GTF2A1L: variants seen among roughly 807,000 people sequenced by gnomAD.
The protein encoded by GTF2A1L is TFIIA-alpha and beta-like factor.
GTF2A1L carries 48 observed loss-of-function variants against 49.7 expected under a neutral mutation model. That is an observed-to-expected ratio of 0.97 (90% CI 0.77 to 1.23). The LOEUF (loss-of-function observed/expected upper bound fraction) is 1.23, where lower values mean the gene tolerates loss of function less well. Among genes scored for constraint, GTF2A1L ranks in the 50% most tolerant of loss-of-function variants. The probability of loss-of-function intolerance (pLI) is 0.00; values close to 1 mark genes in which losing one functional copy is unlikely to be tolerated. For synonymous variants in GTF2A1L, 246 were observed against 193.5 expected (o/e 1.27, Z -2.25); for missense variants, 736 against 564.8 (o/e 1.30, Z -3.07).
chr2:48,623,001 G>T (rs1360034996), intron 3 of GTF2A1L, among the ~76,000 whole-genome samples: 1 of 151,812 alleles, frequency 6.6e-6, no homozygotes, highest in Non-Finnish European at 1.5e-5. Context: ...CTGTATCTTA[G>T]CAGTTAGAAT....
chr2:48,626,692 A>G (rs1380299491), intron 3 of GTF2A1L, among the ~76,000 whole-genome samples: 1 of 142,794 alleles, frequency 7.0e-6, no homozygotes, highest in African/African-American at 2.5e-5. Context: ...CCCACCTCGG[A>G]CTCCCAAAGT....
At chr2:48,646,359 C>A in intron 5 of GTF2A1L, 94 bp from the exon 6 acceptor site, 3 of 1,202,224 alleles carry the variant, frequency 2.5e-6, no homozygotes, top group South Asian at 1.9e-5. Flanking sequence ...TTTTTTCCAG[C>A]CTTTGTGGAT....
intron 6 of GTF2A1L, among the ~76,000 whole-genome samples, chr2:48,652,672 A>G (rs1370219988): frequency 2.0e-5 from 3 of 151,388 alleles, no homozygotes; most frequent in African/African-American, 4.8e-5. Flanking sequence ...GACAAATCTT[A>G]TACTAATTGA....
intron 3 of GTF2A1L, 143 bp from the exon 4 acceptor site, chr2:48,642,259 G>A (rs74375858): frequency 7.1e-4 from 511 of 717,614 alleles, no homozygotes; most frequent in Non-Finnish European, 9.4e-4. Flanking sequence ...ACTTTTTACC[G>A]CACTTGGAAT....
At chr2:48,622,638 T>C (rs1250437760) in intron 3 of GTF2A1L, among the ~76,000 whole-genome samples, 1 of 152,076 alleles carries the variant, frequency 6.6e-6, no homozygotes, top group African/African-American at 2.4e-5. Context: ...CTGGCCAACA[T>C]GGCGAAACCC....
rs755487383 is a variant in GTF2A1L, at chr2:48,646,470, A to G, written c.406A>G (p.Asn136Asp). ...QTVSGHLYKV[N>D]VPIMVTETSG... is the part of the protein sequence containing the mutation. The stretch of plus-strand genomic sequence containing the variant: ...TTTTTAAGGTCACCTTTATAAAGTC[A>G]ATGTACCAATTATGGTGACAGAGAC... Residue 136 changes from asparagine to aspartate, a missense_variant, in exon 6 of 9, where the codon AAT becomes GAT. Transcript: ENST00000403751. The G allele has an allele frequency of 1.2e-6, 2 of 1,608,620 alleles. No individual in the cohort carries two copies. Among genetic ancestry groups the G allele is most frequent in the South Asian group, 1.1e-5 (1 of 90,026 alleles).
chr2:48,623,097 G>A (rs1425234747), intron 3 of GTF2A1L, among the ~76,000 whole-genome samples: 2 of 152,094 alleles, frequency 1.3e-5, no homozygotes, highest in Non-Finnish European at 2.9e-5. Context: ...GGAATTACAT[G>A]TATCCCTTAA....
At chr2:48,652,733 C>T (rs533494578) in intron 6 of GTF2A1L, among the ~76,000 whole-genome samples, 22 of 150,970 alleles carry the variant, frequency 1.5e-4, no homozygotes, top group Admixed American at 1.1e-3. Context: ...CTCGCTCTGT[C>T]GCCCAGACTG....
intron 3 of GTF2A1L, among the ~76,000 whole-genome samples, chr2:48,625,821 A>G (rs1676260583): frequency 7.0e-6 from 1 of 143,320 alleles, no homozygotes; most frequent in African/African-American, 2.5e-5. Flanking sequence ...GGAATGAAGC[A>G]ATCCTCCTGC....
intron 6 of GTF2A1L, among the ~76,000 whole-genome samples, chr2:48,657,991 A>C (rs1393330408): frequency 6.6e-6 from 1 of 151,994 alleles, no homozygotes; most frequent in Non-Finnish European, 1.5e-5. Flanking sequence ...GTTTCTTATA[A>C]ATTCTGGATA....
chr2:48,668,568 A>C (rs1678980474), intron 6 of GTF2A1L: 1 of 152,308 alleles, frequency 6.6e-6, no homozygotes, highest in Non-Finnish European at 1.5e-5. Flanking sequence ...GCAGTGACTT[A>C]CGCCTGTAAT....
In GTF2A1L at chr2:48,663,181, C is replaced by T. The variant is rs575865812; in HGVS notation, c.979-6541C>T. Among the ~76,000 whole-genome samples the T allele has an allele frequency of 7.2e-5, 11 of 152,250 alleles. No individual in the cohort carries two copies. In the South Asian group the frequency reaches 2.3e-3, roughly 32 times the overall value. On this transcript the variant is annotated intron_variant, in intron 6 of 8. Coordinates refer to ENST00000403751, the MANE Select transcript of GTF2A1L (RefSeq NM_006872.5). ...GGAAACAGTGGCTCATACCTGTAAT[C>T]CCAGTACTTTGGGAGGCTGAGGAAG...
chr2:48,650,548 A>AAATGTCC (rs1266518321), intron 6 of GTF2A1L, among the ~76,000 whole-genome samples: 3 of 152,184 alleles, frequency 2.0e-5, no homozygotes, highest in African/African-American at 7.2e-5. Context: ...CTAAAATATA[A>AAATGTCC]AATGTCCTAT....
At chr2:48,660,034 G>A (rs1005915294) in intron 6 of GTF2A1L, among the ~76,000 whole-genome samples, 2 of 152,108 alleles carry the variant, frequency 1.3e-5, no homozygotes, top group African/African-American at 2.4e-5. Context: ...AGTGGTGAAA[G>A]TAGTTGTCCT....
At chr2:48,664,318 T>G (rs58517799) in intron 6 of GTF2A1L, among the ~76,000 whole-genome samples, 7,080 of 151,588 alleles carry the variant, frequency 0.047, 536 homozygotes, top group African/African-American at 0.16. Flanking sequence ...TAATGTAGTT[T>G]TTTTTTTTTT....
intron 6 of GTF2A1L, among the ~76,000 whole-genome samples, chr2:48,653,321 T>A (rs1363137909): frequency 6.6e-6 from 1 of 151,930 alleles, no homozygotes; most frequent in Non-Finnish European, 1.5e-5. Flanking sequence ...AGATTTACCA[T>A]ATGAATTTTG....
intron 3 of GTF2A1L, among the ~76,000 whole-genome samples, chr2:48,639,875 A>G (rs1056130570): frequency 1.3e-5 from 2 of 152,236 alleles, no homozygotes; most frequent in African/African-American, 2.4e-5. Context: ...TCCCGTTAAA[A>G]TGTGGATAAA....
chr2:48,662,652 CTT>C (rs35260466), intron 6 of GTF2A1L, among the ~76,000 whole-genome samples: 32,566 of 132,218 alleles, frequency 0.25, 4,228 homozygotes, highest in African/African-American at 0.38. Context: ...CTTGGTTGAT[CTT>C]TTTTTTTTTT....
At chr2:48,647,133 C>T in intron 6 of GTF2A1L, 91 bp downstream of exon 6, 1 of 1,162,924 alleles carries the variant, frequency 8.6e-7, no homozygotes, top group Admixed American at 3.3e-5. Context: ...TAATGTTAAT[C>T]AGAATTATAT....
Sources: gnomAD v4.1 joint callset for allele counts (sites outside exome capture counted in the v4.1 genomes callset) on GRCh38, gnomAD v4.1.1 for gene constraint, MANE v1.5 for transcripts, NCBI Gene and HGNC (gene_info 2026-07-23, HGNC 2026-07-21) for gene names.